The following SEMA3E variants were observed in gnomAD, a reference collection of about 807,000 sequenced individuals.
SEMA3E encodes the protein semaphorin 3E.
Under a neutral mutation model 93.6 loss-of-function variants are expected in SEMA3E, and 49 were observed. That is an observed-to-expected ratio of 0.52 (90% confidence interval 0.42 to 0.66). The LOEUF (loss-of-function observed/expected upper bound fraction) is 0.66. SEMA3E is among the 30% of genes least tolerant of loss of function. The pLI, the probability that SEMA3E is intolerant of heterozygous loss-of-function variation, is 0.00. For missense variants in SEMA3E, 906 were observed against 964.8 expected (o/e 0.94, Z 0.81); for synonymous variants, 363 against 330.7 (o/e 1.10, Z -1.06).
At chr7:83,570,585 G>A (rs1408311532) in intron 1 of SEMA3E, among the ~76,000 whole-genome samples, 1 of 145,146 alleles carries the variant, frequency 6.9e-6, no homozygotes, top group Non-Finnish European at 1.5e-5. Flanking sequence ...AGTTAGAAAG[G>A]TCTCAGACTA....
chr7:83,463,185 C>T (rs1364890511), intron 4 of SEMA3E, among the ~76,000 whole-genome samples: 2 of 147,696 alleles, frequency 1.4e-5, no homozygotes, highest in African/African-American at 4.9e-5. Flanking sequence ...ACAACAACTC[C>T]TTTCCTTCCT....
intron 4 of SEMA3E, among the ~76,000 whole-genome samples, chr7:83,430,689 A>C (rs1390856406): frequency 6.6e-6 from 1 of 151,852 alleles, no homozygotes; most frequent in African/African-American, 2.4e-5. Context: ...GGGCTGGGGG[A>C]GATGGGAGGG....
At chr7:83,415,063 TAAAG>T (rs1488605171) in intron 5 of SEMA3E, among the ~76,000 whole-genome samples, 1 of 152,040 alleles carries the variant, frequency 6.6e-6, no homozygotes, top group African/African-American at 2.4e-5. Context: ...ACACATGACA[TAAAG>T]AACACTGTTT....
intron 1 of SEMA3E, among the ~76,000 whole-genome samples, chr7:83,516,290 A>G (rs143284575): frequency 2.2e-3 from 340 of 152,308 alleles, no homozygotes; most frequent in South Asian, 4.6e-3. Context: ...AGTGAAACAT[A>G]TATTTCTTTC....
chr7:83,424,431 A>T (rs1788730090), intron 4 of SEMA3E, among the ~76,000 whole-genome samples: 1 of 152,126 alleles, frequency 6.6e-6, no homozygotes, highest in Non-Finnish European at 1.5e-5. Flanking sequence ...TGGAAAGGTC[A>T]TTTTAATTAG....
chr7:83,619,087 A>T (rs1458381523), intron 1 of SEMA3E, among the ~76,000 whole-genome samples: 1 of 151,880 alleles, frequency 6.6e-6, no homozygotes, highest in Non-Finnish European at 1.5e-5. Flanking sequence ...TTATTTTTAC[A>T]TTGTAATACC....
At chr7:83,594,314 C>T (rs1367078712) in intron 1 of SEMA3E, among the ~76,000 whole-genome samples, 1 of 152,042 alleles carries the variant, frequency 6.6e-6, no homozygotes, top group Non-Finnish European at 1.5e-5. Flanking sequence ...TAAGAGGGCA[C>T]CTGAATTTTC....
At chr7:83,470,862 C>CTTTTTTTTTTTTTTTTTTTTTTTT (rs60392556) in intron 2 of SEMA3E, among the ~76,000 whole-genome samples, 1 of 139,942 alleles carries the variant, frequency 7.1e-6, no homozygotes. Flanking sequence ...CCCACATTTT[C>CTTTTTTTTTTTTTTTTTTTTTTTT]TTTTTTTTTT....
chr7:83,482,278 T>C (rs1790159175), intron 2 of SEMA3E, among the ~76,000 whole-genome samples: 1 of 151,972 alleles, frequency 6.6e-6, no homozygotes, highest in African/African-American at 2.4e-5. Flanking sequence ...CAGTAAGATT[T>C]GCAAGAGGCC....
chr7:83,405,077 T>C (rs573945874), intron 9 of SEMA3E, among the ~76,000 whole-genome samples: 1 of 152,066 alleles, frequency 6.6e-6, no homozygotes, highest in South Asian at 2.1e-4. Context: ...GAAAATTCTA[T>C]GTGATGAATA....
At chr7:83,469,121 TCATGAA>T in intron 3 of SEMA3E, 116 bp downstream of exon 3, 6 of 759,278 alleles carry the variant, frequency 7.9e-6, no homozygotes, top group Admixed American at 4.5e-5. Flanking sequence ...TATTTTTTCT[TCATGAA>T]CCAAATTGCA....
chr7:83,508,159 T>C (rs887084538), intron 1 of SEMA3E, among the ~76,000 whole-genome samples: 39 of 152,294 alleles, frequency 2.6e-4, no homozygotes, highest in African/African-American at 9.1e-4. Context: ...TTATTATACC[T>C]GAATTGTTAA....
At chr7:83,389,967 G>A (rs56250047) in intron 14 of SEMA3E, among the ~76,000 whole-genome samples, 3 of 137,484 alleles carry the variant, frequency 2.2e-5, no homozygotes, top group African/African-American at 7.6e-5. Context: ...TAGTGTATAC[G>A]TATACACATA....
At chr7:83,507,539 TGAATGTTGG>T (rs1234305498) in intron 1 of SEMA3E, among the ~76,000 whole-genome samples, 1 of 150,628 alleles carries the variant, frequency 6.6e-6, no homozygotes, top group East Asian at 2.0e-4. Context: ...ATGAAGAACC[TGAATGTTGG>T]GAGAGCAGCA....
At chr7:83,382,127 C>A (rs1787788764) in intron 16 of SEMA3E, among the ~76,000 whole-genome samples, 3 of 152,004 alleles carry the variant, frequency 2.0e-5, no homozygotes, top group Non-Finnish European at 2.9e-5. Context: ...CCCAAAGCAT[C>A]TGAAGCTGTA....
chr7:83,604,342 T>C (rs1442203191), intron 1 of SEMA3E, among the ~76,000 whole-genome samples: 1 of 151,838 alleles, frequency 6.6e-6, no homozygotes, highest in Non-Finnish European at 1.5e-5. Flanking sequence ...AAAAAGTACT[T>C]GAATGTTAAA....
intron 3 of SEMA3E, among the ~76,000 whole-genome samples, chr7:83,467,040 A>C (rs1789778463): frequency 6.8e-6 from 1 of 147,322 alleles, no homozygotes; most frequent in South Asian, 2.2e-4. Flanking sequence ...ATAGTTATTC[A>C]TATGGAAATA....
chr7:83,589,898 A>G (rs1218127872), intron 1 of SEMA3E, among the ~76,000 whole-genome samples: 1 of 152,034 alleles, frequency 6.6e-6, no homozygotes, highest in Admixed American at 6.6e-5. Flanking sequence ...TAAAAACCTT[A>G]ATGCTTTTAT....
At chr7:83,493,168 G>C (rs571163171) in intron 1 of SEMA3E, among the ~76,000 whole-genome samples, 1 of 151,946 alleles carries the variant, frequency 6.6e-6, no homozygotes, top group African/African-American at 2.4e-5. Flanking sequence ...ATGTTTTATG[G>C]AGTCCTTTAA....
Sources: gnomAD v4.1 joint callset for allele counts (sites outside exome capture counted in the v4.1 genomes callset) on GRCh38, gnomAD v4.1.1 for gene constraint, MANE v1.5 for transcripts, NCBI Gene and HGNC (gene_info 2026-07-23, HGNC 2026-07-21) for gene names.